Variants in CACNA1D observed in about 807,000 individuals in gnomAD.
CACNA1D encodes voltage-dependent L-type calcium channel subunit alpha-1D.
CACNA1D carries 55 observed loss-of-function variants against 257.1 expected under a neutral mutation model. The observed-to-expected ratio is 0.21, with a 90% CI of 0.17 to 0.27. The LOEUF (loss-of-function observed/expected upper bound fraction) is 0.27. Ranked by LOEUF, CACNA1D falls within the 10% of genes least tolerant of loss-of-function variation. The pLI is 1.00. For missense variants in CACNA1D, 1,876 were observed against 2,784.0 expected (o/e 0.67, Z 7.34); for synonymous variants, 980 against 1,014.9 (o/e 0.97, Z 0.65).
At chr3:53,520,997 TTTC>T (rs1327657274) in intron 3 of CACNA1D, among the ~76,000 whole-genome samples, 7 of 151,530 alleles carry the variant, frequency 4.6e-5, no homozygotes, top group Admixed American at 3.3e-4. Context: ...CTTTTCTTTC[TTTC>T]TTCTTTTTTT....
chr3:53,735,206 G>A (rs993248982), intron 19 of CACNA1D, among the ~76,000 whole-genome samples, 168 bp from the exon 20 acceptor site: 6 of 152,208 alleles, frequency 3.9e-5, no homozygotes, highest in South Asian at 2.1e-4. Context: ...GGTGGGCTTC[G>A]AGAGGCTGAC....
intron 21 of CACNA1D, 170 bp downstream of exon 21, chr3:53,740,509 G>T: frequency 1.5e-6 from 1 of 657,592 alleles, no homozygotes; most frequent in African/African-American, 1.8e-5. Context: ...GTGTTTAAGG[G>T]CTGCTCCTGC....
chr3:53,731,979 A>G, intron 17 of CACNA1D, 37 bp from the exon 18 acceptor site: 1 of 1,350,604 alleles, frequency 7.4e-7, no homozygotes, highest in Non-Finnish European at 1.1e-6. Flanking sequence ...ATTTTAAGTC[A>G]GTCTCCCCTC....
rs1412100262 is a variant in CACNA1D, at chr3:53,800,905, T to C, written c.5041-153T>C. 3 of 758,838 alleles carry C rather than the reference T, an allele frequency of 4.0e-6. No homozygotes were observed. The East Asian group carries it at 7.5e-5, about 19-fold the overall frequency. The allele number at this position is 758,838 out of a possible 1,614,324, so 47.0% of individuals were successfully genotyped here. On this transcript the variant is annotated intron_variant, in intron 41 of 47. Transcript: ENST00000350061. This position sits in a 1 kb window ranked among gnomAD's most constrained non-coding sequence, Gnocchi z 4.3. ...GGGACCAACTGCCACACAGTCACATTCACCCTGATCATTGAGACACTCAGA... is the reference window on the plus strand; with the variant it reads ...GGGACCAACTGCCACACAGTCACATCCACCCTGATCATTGAGACACTCAGA...
chr3:53,643,245 A>G (rs1247164650), intron 3 of CACNA1D, among the ~76,000 whole-genome samples: 3 of 152,144 alleles, frequency 2.0e-5, no homozygotes, highest in Non-Finnish European at 2.9e-5. Context: ...CTCTAAGTGC[A>G]TACTTCATTA....
chr3:53,747,260 CAT>C (rs748188950), intron 25 of CACNA1D, 40 bp from the exon 26 acceptor site: 3 of 1,586,760 alleles, frequency 1.9e-6, no homozygotes, highest in East Asian at 2.2e-5. Flanking sequence ...TTCCACCTGT[CAT>C]GTGTGAAGCC....
chr3:53,634,871 C>T (rs2093863781), intron 3 of CACNA1D, among the ~76,000 whole-genome samples: 1 of 152,210 alleles, frequency 6.6e-6, no homozygotes, highest in South Asian at 2.1e-4. Flanking sequence ...AGGAATTGGA[C>T]TGCTCTTCAC....
intron 8 of CACNA1D, among the ~76,000 whole-genome samples, chr3:53,685,503 T>C (rs182369862): frequency 6.6e-6 from 1 of 152,280 alleles, no homozygotes; most frequent in Admixed American, 6.5e-5. Flanking sequence ...TAAAATACTG[T>C]GTTCAATAAT....
chr3:53,770,074 A>C (rs1485212433), intron 31 of CACNA1D, 57 bp downstream of exon 31: 9 of 1,393,044 alleles, frequency 6.5e-6, no homozygotes, highest in Admixed American at 1.7e-5. Flanking sequence ...TTATTTGACC[A>C]TGTCGAGTTT....
At chr3:53,716,195 G>A (rs536273308) in intron 9 of CACNA1D, among the ~76,000 whole-genome samples, 151 of 152,358 alleles carry the variant, frequency 9.9e-4, no homozygotes, top group African/African-American at 3.5e-3. Context: ...TGACCCTCAA[G>A]ATTGTGGAGT....
intron 3 of CACNA1D, among the ~76,000 whole-genome samples, chr3:53,615,370 G>A (rs1285493027): frequency 6.6e-6 from 1 of 152,196 alleles, no homozygotes; most frequent in Non-Finnish European, 1.5e-5. Flanking sequence ...CCTAGATTGG[G>A]TAGAAGCAAC....
chr3:53,758,261 A>C (rs1269268342), intron 29 of CACNA1D, among the ~76,000 whole-genome samples: 1 of 152,148 alleles, frequency 6.6e-6, no homozygotes, highest in Non-Finnish European at 1.5e-5. Context: ...TTGGGTTATC[A>C]CTTGGGTCAA....
chr3:53,657,249 G>A lies in CACNA1D; in HGVS notation c.624-2884G>A, dbSNP rs75265985. On this transcript the variant is annotated intron_variant, in intron 4 of 47. Coordinates refer to ENST00000350061, the MANE Select transcript of CACNA1D (RefSeq NM_001128840.3). The stretch of plus-strand genomic sequence containing the variant: ...GATAAAACAACGTGGATGAGTGTCA[G>A]AAACATTATGGTGAGCAAAAGAAGA... Among the ~76,000 whole-genome samples the A allele has an allele frequency of 5.0e-3, 760 of 151,836 alleles. 22 individuals carry two copies. In the East Asian group the frequency reaches 0.084, roughly 17 times the overall value.
intron 3 of CACNA1D, among the ~76,000 whole-genome samples, chr3:53,647,454 C>T (rs765164256): frequency 2.0e-5 from 3 of 152,216 alleles, no homozygotes; most frequent in Non-Finnish European, 4.4e-5. Context: ...AGTCTTTCAT[C>T]CTTGACAGTG....
Position 53,495,185 on chromosome 3 carries a change from A to T in CACNA1D, c.19A>T (p.Met7Leu). 1 of 1,612,880 alleles carries T rather than the reference A, an allele frequency of 6.2e-7. No individual in the cohort carries two copies. The highest frequency in any genetic ancestry group is 8.5e-7 in the Non-Finnish European group (1 of 1,179,612). Residue 7 changes from methionine to leucine, a missense_variant, in exon 1 of 48, where the codon ATG becomes TTG. By Grantham distance (15) the Met-to-Leu change is conservative. This residue lies in a region of CACNA1D where 143 missense variants were observed against 168.7 expected (regional missense o/e 0.85). Transcript: ENST00000350061. This position sits in a 1 kb window ranked among gnomAD's most constrained non-coding sequence, Gnocchi z 5.1. ...TTCGTGGATGATGATGATGATGATGATGAAAAAAATGCAGCATCAACGGCA... is the reference window on the plus strand; with the variant it reads ...TTCGTGGATGATGATGATGATGATGTTGAAAAAAATGCAGCATCAACGGCA... The part of the protein sequence containing the change: MMMMMM[M>L]KKMQHQRQQQ...
Position 53,812,056 on chromosome 3 carries a change from G to A in CACNA1D, c.*650G>A, listed in dbSNP as rs1203358012. 2.0e-5 allele frequency: 3 copies of A among 152,282 alleles called. No homozygotes were observed. The highest frequency in any genetic ancestry group is 6.5e-5 in the Admixed American group (1 of 15,272). The allele number at this position is 152,282 out of a possible 1,614,324, so 9.4% of individuals were successfully genotyped here. A position where few individuals can be genotyped will look rare whatever the true frequency, so the allele number is the denominator to read the frequency against. ...ATAAGAGAATATCACTCCGATGGTCGGTTTCTGACTGTCACGCTAAGGGCA... is the reference window on the plus strand; with the variant it reads ...ATAAGAGAATATCACTCCGATGGTCAGTTTCTGACTGTCACGCTAAGGGCA... On this transcript the variant is annotated 3_prime_UTR_variant, in exon 48 of 48. Coordinates refer to ENST00000350061, the MANE Select transcript of CACNA1D (RefSeq NM_001128840.3).
In CACNA1D at chr3:53,624,189, T is replaced by A. The variant is rs1437467175; in HGVS notation, c.484-26590T>A. On this transcript the variant is annotated intron_variant, in intron 3 of 47. Coordinates refer to ENST00000350061, the MANE Select transcript of CACNA1D (RefSeq NM_001128840.3). The stretch of plus-strand genomic sequence containing the variant: ...GTGGGGAGGGGAAGTTATAAACCAC[T>A]GTAGAGAATCACAGAGTGAACCGAG... Among the ~76,000 whole-genome samples, 14 of 152,308 alleles carry A rather than the reference T, an allele frequency of 9.2e-5. No homozygotes were observed. The East Asian group carries it at 2.7e-3, about 29-fold the overall frequency.
intron 39 of CACNA1D, 109 bp from the exon 40 acceptor site, chr3:53,786,713 G>GGCCC: frequency 8.6e-6 from 4 of 467,158 alleles, no homozygotes; most frequent in East Asian, 6.2e-5. Context: ...GCGCCGGACC[G>GGCCC]CCCACCCGCC....
At chr3:53,519,328 T>C (rs2091463713) in intron 3 of CACNA1D, among the ~76,000 whole-genome samples, 3 of 152,226 alleles carry the variant, frequency 2.0e-5, no homozygotes, top group African/African-American at 7.2e-5. Context: ...GCTTTTTTTT[T>C]CTTGCCTGTT....
Sources: gnomAD v4.1 joint callset for allele counts (sites outside exome capture counted in the v4.1 genomes callset) on GRCh38, gnomAD v4.1.1 for gene constraint, gnomAD v4.1.1 regional missense constraint, Gnocchi (gnomAD v3.1) non-coding constraint, MANE v1.5 for transcripts, NCBI Gene and HGNC (gene_info 2026-07-23, HGNC 2026-07-21) for gene names.